TMEM232: variants seen among roughly 807,000 people sequenced by gnomAD.
TMEM232 encodes the protein transmembrane protein 232.
TMEM232 carries 80 observed loss-of-function variants against 78.8 expected under a neutral mutation model. The observed-to-expected ratio is 1.01, with a 90% CI of 0.85 to 1.22. TMEM232 has a LOEUF of 1.22. Among genes scored for constraint, TMEM232 ranks in the 50% most tolerant of loss-of-function variants. The pLI is 0.00. For synonymous variants in TMEM232, 297 were observed against 254.3 expected (o/e 1.17, Z -1.60); for missense variants, 881 against 742.2 (o/e 1.19, Z -2.17).
At chr5:110,662,870 T>C (rs745821450) in intron 2 of TMEM232, among the ~76,000 whole-genome samples, 17 of 152,072 alleles carry the variant, frequency 1.1e-4, no homozygotes, top group African/African-American at 2.6e-4. Context: ...ATAAGGTTTT[T>C]AGAAAATAAT....
At chr5:110,452,381 T>C (rs1760401006) in intron 12 of TMEM232, among the ~76,000 whole-genome samples, 1 of 152,184 alleles carries the variant, frequency 6.6e-6, no homozygotes, top group Non-Finnish European at 1.5e-5. Context: ...ACAATTTTAT[T>C]TGAAGAATCC....
intron 12 of TMEM232, among the ~76,000 whole-genome samples, chr5:110,523,735 T>C (rs1769911125): frequency 6.6e-6 from 1 of 151,922 alleles, no homozygotes; most frequent in Admixed American, 6.6e-5. Flanking sequence ...GGAGAACTGC[T>C]TGAGCCCAGG....
chr5:110,667,441 T>G, intron 1 of TMEM232, 77 bp from the exon 2 acceptor site: 1 of 1,216,544 alleles, frequency 8.2e-7, no homozygotes, highest in Non-Finnish European at 1.1e-6. Flanking sequence ...AAATTCATTA[T>G]TTTTGGAAAA....
intron 1 of TMEM232, among the ~76,000 whole-genome samples, chr5:110,700,229 A>G (rs551982372): frequency 1.1e-4 from 17 of 152,164 alleles, no homozygotes; most frequent in African/African-American, 3.9e-4. Flanking sequence ...CTAGACTATT[A>G]TATTGAAAGA....
intron 8 of TMEM232, among the ~76,000 whole-genome samples, chr5:110,611,856 C>T (rs1399148999): frequency 6.6e-6 from 1 of 152,054 alleles, no homozygotes; most frequent in Non-Finnish European, 1.5e-5. Context: ...ACATTGGGAA[C>T]AGAGAGCAGG....
chr5:110,632,254 C>T (rs1785224230), intron 5 of TMEM232, among the ~76,000 whole-genome samples: 1 of 151,900 alleles, frequency 6.6e-6, no homozygotes, highest in Admixed American at 6.6e-5. Context: ...AAATCCTCCA[C>T]TGTGAAAGCA....
chr5:110,555,169 T>C (rs971945159), intron 11 of TMEM232, among the ~76,000 whole-genome samples: 2 of 152,174 alleles, frequency 1.3e-5, no homozygotes, highest in Non-Finnish European at 2.9e-5. Context: ...ACTTTCCTGT[T>C]AACACTGCTT....
intron 1 of TMEM232, among the ~76,000 whole-genome samples, chr5:110,737,640 A>G (rs915294584): frequency 2.0e-5 from 3 of 152,172 alleles, no homozygotes; most frequent in Admixed American, 2.0e-4. Flanking sequence ...TTATCTATTT[A>G]CACTTCCTTT....
chr5:110,523,898 C>T (rs1769941741), intron 12 of TMEM232, among the ~76,000 whole-genome samples: 1 of 137,920 alleles, frequency 7.3e-6, no homozygotes. Context: ...GAGGTCAAGG[C>T]TGCAGTGAGT....
intron 1 of TMEM232, among the ~76,000 whole-genome samples, chr5:110,681,940 C>A (rs1792801868): frequency 6.6e-6 from 1 of 152,076 alleles, no homozygotes; most frequent in Non-Finnish European, 1.5e-5. Context: ...TAGCATATTT[C>A]ATGATATTTC....
chr5:110,524,407 GAAAGAAAGAA>G (rs1770191665), intron 12 of TMEM232, among the ~76,000 whole-genome samples: 1 of 87,574 alleles, frequency 1.1e-5, no homozygotes, highest in East Asian at 3.7e-4. Context: ...AAGAAAGAAA[GAAAGAAAGAA>G]AAGAAAAGAA....
At chr5:110,700,086 G>T (rs1010482635) in intron 1 of TMEM232, among the ~76,000 whole-genome samples, 1 of 152,054 alleles carries the variant, frequency 6.6e-6, no homozygotes, top group African/African-American at 2.4e-5. Context: ...TTCTTAAGCA[G>T]ACAGCTGAAG....
intron 11 of TMEM232, among the ~76,000 whole-genome samples, chr5:110,536,218 A>C (rs1772331972): frequency 1.3e-5 from 2 of 152,196 alleles, no homozygotes; most frequent in South Asian, 4.2e-4. Context: ...GGAGAAATGG[A>C]AAGGTTTCCA....
chr5:110,450,866 G>A (rs1760198203), intron 12 of TMEM232, among the ~76,000 whole-genome samples: 1 of 152,114 alleles, frequency 6.6e-6, no homozygotes, highest in Admixed American at 6.6e-5. Context: ...AAACTTCTGA[G>A]TTAAGTTAGT....
At chr5:110,428,869 T>G (rs1312390041) in intron 12 of TMEM232, among the ~76,000 whole-genome samples, 1 of 151,854 alleles carries the variant, frequency 6.6e-6, no homozygotes, top group Non-Finnish European at 1.5e-5. Context: ...GGTTAAGACT[T>G]AGTCATATCT....
At chr5:110,638,381 G>A (rs1279612757) in intron 4 of TMEM232, 26 bp from the exon 5 acceptor site, 2 of 1,502,916 alleles carry the variant, frequency 1.3e-6, no homozygotes, top group Non-Finnish European at 1.8e-6. Flanking sequence ...TATAGAAACT[G>A]CATCATTTGA....
chr5:110,565,466 T>C (rs1461364759), intron 11 of TMEM232, among the ~76,000 whole-genome samples: 1 of 151,940 alleles, frequency 6.6e-6, no homozygotes, highest in East Asian at 1.9e-4. Flanking sequence ...TCACTCAGCT[T>C]TCCTGTCTCT....
chr5:110,445,946 T>C (rs1759597976), intron 12 of TMEM232, among the ~76,000 whole-genome samples: 1 of 152,164 alleles, frequency 6.6e-6, no homozygotes, highest in Non-Finnish European at 1.5e-5. Flanking sequence ...ACTTCTGCCA[T>C]ATTCTATTCA....
chr5:110,595,410 G>A (rs570425712), intron 10 of TMEM232, among the ~76,000 whole-genome samples: 4 of 152,234 alleles, frequency 2.6e-5, no homozygotes, highest in South Asian at 2.1e-4. Context: ...GCACAAAACC[G>A]TATGAAGAAA....
Sources: gnomAD v4.1 joint callset for allele counts (sites outside exome capture counted in the v4.1 genomes callset) on GRCh38, gnomAD v4.1.1 for gene constraint, MANE v1.5 for transcripts, NCBI Gene and HGNC (gene_info 2026-07-23, HGNC 2026-07-21) for gene names.